The following CNTLN variants were observed in gnomAD, a reference collection of about 807,000 sequenced individuals.
CNTLN encodes the protein centlein.
In CNTLN, 212 loss-of-function variants were observed where a neutral mutation model predicts 180.0. The ratio of observed to expected loss-of-function variants is 1.18; its 90% CI spans 1.05 to 1.32. The LOEUF is 1.32. Among genes scored for constraint, CNTLN ranks in the 40% most tolerant of loss-of-function variants. CNTLN has a pLI of 0.00. For missense variants in CNTLN, 2,095 were observed against 1,610.9 expected, an observed-to-expected ratio of 1.30 and a Z score of -5.14; for synonymous variants, 722 against 563.1, an observed-to-expected ratio of 1.28 and a Z score of -3.99.
chr9:17,225,637 T>C (rs937813905), intron 2 of CNTLN, among the ~76,000 whole-genome samples: 7 of 151,986 alleles, frequency 4.6e-5, no homozygotes, highest in African/African-American at 1.7e-4. Context: ...TTAAAAGCTA[T>C]ATTTGTTTTA....
intron 25 of CNTLN, among the ~76,000 whole-genome samples, chr9:17,496,704 C>T (rs912031717): frequency 6.6e-6 from 1 of 152,122 alleles, no homozygotes; most frequent in Admixed American, 6.6e-5. Context: ...CCTATTGAGC[C>T]CCCAAATTCT....
chr9:17,417,947 A>G (rs1449716664), intron 18 of CNTLN, among the ~76,000 whole-genome samples: 3 of 152,022 alleles, frequency 2.0e-5, no homozygotes, highest in Non-Finnish European at 4.4e-5. Context: ...GTTCATCTGC[A>G]TTTTAGAGAG....
intron 2 of CNTLN, among the ~76,000 whole-genome samples, chr9:17,150,042 G>A (rs997546811): frequency 1.4e-4 from 21 of 151,944 alleles, no homozygotes; most frequent in African/African-American, 4.6e-4. Flanking sequence ...TGTAGATTCT[G>A]GATATTAGCC....
chr9:17,460,684 C>T (rs1460560938), intron 19 of CNTLN, among the ~76,000 whole-genome samples: 2 of 151,628 alleles, frequency 1.3e-5, no homozygotes, highest in Non-Finnish European at 3.0e-5. Context: ...AATTGCTTTT[C>T]TCTCAATTCT....
intron 2 of CNTLN, among the ~76,000 whole-genome samples, chr9:17,184,618 G>A (rs574500015): frequency 6.6e-6 from 1 of 152,068 alleles, no homozygotes; most frequent in East Asian, 1.9e-4. Context: ...TACTATGATC[G>A]TGACTACAGT....
At chr9:17,193,402 G>C (rs1182816056) in intron 2 of CNTLN, among the ~76,000 whole-genome samples, 3 of 152,168 alleles carry the variant, frequency 2.0e-5, no homozygotes, top group Non-Finnish European at 4.4e-5. Flanking sequence ...TGGGGGTACA[G>C]GTATTGGGTA....
At position 17,258,882 on chromosome 9, in the gene CNTLN, A is replaced by T. The variant is rs535530037; in HGVS notation, c.850-14851A>T. ...GCTTAAGGAGATTTTGGGCTGAGAC[A>T]GTGGGGTTTTCTAGATATACATTCA... is the stretch of plus-strand genomic sequence containing the variant. On this transcript the variant is annotated intron_variant, in intron 5 of 25. Coordinates refer to ENST00000380647, the MANE Select transcript of CNTLN (RefSeq NM_017738.4). 3.3e-4 allele frequency among the ~76,000 whole-genome samples: 48 copies of T among 145,772 alleles called. 3 individuals are homozygous for T. Among genetic ancestry groups the T allele is most frequent in the African/African-American group, 1.3e-3 (48 of 37,662 alleles).
chr9:17,245,616 C>G (rs1322813446), intron 5 of CNTLN, among the ~76,000 whole-genome samples: 3 of 151,786 alleles, frequency 2.0e-5, no homozygotes, highest in African/African-American at 7.3e-5. Context: ...TGATATTATC[C>G]CTTTGAATAT....
rs1347745686 is a variant in CNTLN at position 17,232,457 on chromosome 9, A to G, written c.535-3201A>G. ...AATAATTCTCATGAAAGGACTCTCT[A>G]TTGGTATCATTTATATTGTCAGTGC... On this transcript the variant is annotated intron_variant, in intron 3 of 25. Coordinates refer to ENST00000380647, the MANE Select transcript of CNTLN (RefSeq NM_017738.4). Among the ~76,000 whole-genome samples the G allele has an allele frequency of 1.8e-4, 27 of 151,134 alleles. 1 individual carries two copies. Among genetic ancestry groups the G allele is most frequent in the Admixed American group, 1.8e-3 (27 of 15,130 alleles).
chr9:17,369,879 T>A (rs1824157853), intron 13 of CNTLN, among the ~76,000 whole-genome samples: 1 of 151,150 alleles, frequency 6.6e-6, no homozygotes, highest in African/African-American at 2.4e-5. Flanking sequence ...CCCAGCTACT[T>A]GGGAGGCTGA....
chr9:17,394,842 G>C lies in CNTLN; in HGVS notation c.2388G>C (p.Glu796Asp), dbSNP rs768533853. 10 of 1,613,926 alleles carry C rather than the reference G, an allele frequency of 6.2e-6. No homozygotes were observed. In the South Asian group the frequency reaches 1.1e-4, roughly 18 times the overall value. The change falls in exon 15 of 26, where the codon GAG (glutamate) becomes GAC (aspartate). Residue 796 changes from glutamate to aspartate, a missense_variant. Transcript: ENST00000380647. Reference sequence around the variant, plus strand: ...ATGAAGAGCTGATCAACCCAATGGAGAAATCACACCAGTCAGCAGACAGAG... The same window carrying C: ...ATGAAGAGCTGATCAACCCAATGGACAAATCACACCAGTCAGCAGACAGAG... ...NENEELINPM[E>D]KSHQSADRAK...
intron 6 of CNTLN, among the ~76,000 whole-genome samples, chr9:17,275,699 G>C (rs1828265416): frequency 6.6e-6 from 1 of 152,066 alleles, no homozygotes; most frequent in Non-Finnish European, 1.5e-5. Flanking sequence ...GCGTGAGTTT[G>C]TATATTTAAA....
intron 14 of CNTLN, among the ~76,000 whole-genome samples, chr9:17,391,152 G>A (rs1826081580): frequency 6.6e-6 from 1 of 152,174 alleles, no homozygotes; most frequent in South Asian, 2.1e-4. Context: ...CTGTACAAAA[G>A]GATATGTCTA....
At chr9:17,144,439 T>C (rs1166546437) in intron 2 of CNTLN, among the ~76,000 whole-genome samples, 1 of 152,170 alleles carries the variant, frequency 6.6e-6, no homozygotes, top group Non-Finnish European at 1.5e-5. Context: ...GAATAAGCCT[T>C]CTAGAGAAGC....
At chr9:17,504,350 T>C (rs1833892777), downstream of CNTLN, among the ~76,000 whole-genome samples, 1 of 152,076 alleles carries the variant, frequency 6.6e-6, no homozygotes, top group Admixed American at 6.6e-5. Flanking sequence ...ATTACAAAAC[T>C]TAAAATGTAA....
intron 12 of CNTLN, among the ~76,000 whole-genome samples, chr9:17,354,100 A>T (rs1822605611): frequency 6.6e-6 from 1 of 152,170 alleles, no homozygotes; most frequent in Non-Finnish European, 1.5e-5. Context: ...CGGAGGGTGT[A>T]CTGGGTCCCG....
At position 17,462,986 on chromosome 9, in the gene CNTLN, A is replaced by T; in HGVS notation, c.3377A>T (p.Glu1126Val). The change falls in exon 20 of 26, where the codon GAA becomes GTA. Residue 1126 changes from glutamate (E) to valine (V), a missense_variant. Glu to Val is a moderately radical substitution (Grantham distance 121, BLOSUM62 -2). Transcript: ENST00000380647. ...TTGAAATTTGAACTCCTAGCAAAAG[A>T]AGAACACATAAAGGAAATGCATGAA... is the stretch of plus-strand genomic sequence containing the variant. Reference protein sequence around the residue: ...KTLKFELLAKEEHIKEMHEKI... With the variant: ...KTLKFELLAKVEHIKEMHEKI... 1 of 1,586,708 alleles carries T rather than the reference A, an allele frequency of 6.3e-7. No homozygotes were observed. The highest frequency in any genetic ancestry group is 8.6e-7 in the Non-Finnish European group (1 of 1,168,636).
chr9:17,500,409 A>C (rs1295226034), intron 25 of CNTLN, among the ~76,000 whole-genome samples: 2 of 152,196 alleles, frequency 1.3e-5, no homozygotes, highest in Middle Eastern at 3.2e-3. Flanking sequence ...TTGAAAATGA[A>C]ATTTGCAAAC....
chr9:17,498,479 A>G (rs1257132566), intron 25 of CNTLN, among the ~76,000 whole-genome samples: 1 of 152,212 alleles, frequency 6.6e-6, no homozygotes, highest in African/African-American at 2.4e-5. Context: ...AGATCCCTCC[A>G]GTAATGGAAA....
Sources: allele counts gnomAD v4.1 joint callset (sites outside exome capture counted in the v4.1 genomes callset), GRCh38; gene constraint gnomAD v4.1.1; transcripts MANE v1.5; gene names NCBI Gene and HGNC (gene_info 2026-07-23, HGNC 2026-07-21).